ZNF385D: variants seen among roughly 807,000 people sequenced by gnomAD.
ZNF385D encodes the protein zinc finger protein 385D.
ZNF385D carries 15 observed loss-of-function variants against 35.8 expected under a neutral mutation model. The observed-to-expected ratio is 0.42, with a 90% CI of 0.28 to 0.64. ZNF385D has a LOEUF of 0.64. Among genes scored for constraint, ZNF385D ranks in the 30% least tolerant of loss-of-function variants. The pLI, the probability that ZNF385D is intolerant of heterozygous loss-of-function variation, is 0.23. For synonymous variants in ZNF385D, 212 were observed against 186.8 expected, an observed-to-expected ratio of 1.13 and a Z score of -1.10; for missense variants, 474 against 494.6, an observed-to-expected ratio of 0.96 and a Z score of 0.39.
chr3:21,554,682 G>A (rs957656112), intron 3 of ZNF385D, among the ~76,000 whole-genome samples: 1 of 152,190 alleles, frequency 6.6e-6, no homozygotes, highest in South Asian at 2.1e-4. Context: ...CTGTTGGGTA[G>A]TGTAGCCATC....
At chr3:22,104,123 G>C (rs1313581241) in intron 3 of ZNF385D, among the ~76,000 whole-genome samples, 1 of 152,024 alleles carries the variant, frequency 6.6e-6, no homozygotes, top group Non-Finnish European at 1.5e-5. Flanking sequence ...TATTATTCAA[G>C]TTGGAGACAA....
At chr3:21,641,860 G>T (rs1296052678) in intron 2 of ZNF385D, among the ~76,000 whole-genome samples, 3 of 151,880 alleles carry the variant, frequency 2.0e-5, no homozygotes, top group Admixed American at 6.6e-5. Context: ...CTAACTAAGG[G>T]CATTCTAAAA....
At chr3:21,653,528 C>T (rs1196793990) in intron 2 of ZNF385D, among the ~76,000 whole-genome samples, 2 of 151,910 alleles carry the variant, frequency 1.3e-5, no homozygotes, top group African/African-American at 2.4e-5. Flanking sequence ...TATATATACA[C>T]AATATATGTA....
At chr3:22,241,211 T>C (rs957204312) in intron 2 of ZNF385D, among the ~76,000 whole-genome samples, 1 of 151,242 alleles carries the variant, frequency 6.6e-6, no homozygotes, top group Non-Finnish European at 1.5e-5. Flanking sequence ...TGCCAAATGA[T>C]GTCTTCTGAA....
At chr3:22,028,651 C>A (rs1697718094) in intron 3 of ZNF385D, among the ~76,000 whole-genome samples, 1 of 152,206 alleles carries the variant, frequency 6.6e-6, no homozygotes, top group Non-Finnish European at 1.5e-5. Flanking sequence ...AGACTACCAT[C>A]TGTGGACTTA....
At chr3:22,194,553 T>G (rs1696277234) in intron 2 of ZNF385D, among the ~76,000 whole-genome samples, 1 of 151,972 alleles carries the variant, frequency 6.6e-6, no homozygotes, top group African/African-American at 2.4e-5. Context: ...CTGTCATTTT[T>G]GTAAAATTCC....
intron 2 of ZNF385D, among the ~76,000 whole-genome samples, chr3:22,240,041 G>T (rs1699402998): frequency 6.7e-6 from 1 of 149,958 alleles, no homozygotes; most frequent in African/African-American, 2.5e-5. Context: ...ATATTACCCA[G>T]GTATGGTGGC....
chr3:21,506,177 T>A (rs1426324770), intron 4 of ZNF385D, among the ~76,000 whole-genome samples: 2 of 152,160 alleles, frequency 1.3e-5, no homozygotes, highest in Non-Finnish European at 2.9e-5. Context: ...GGCTTGGCCA[T>A]GTAACTTACC....
intron 2 of ZNF385D, among the ~76,000 whole-genome samples, chr3:22,223,358 G>T (rs527531868): frequency 6.6e-6 from 1 of 152,204 alleles, no homozygotes; most frequent in African/African-American, 2.4e-5. Context: ...CTGACAAACT[G>T]ACCTACTATG....
intron 3 of ZNF385D, among the ~76,000 whole-genome samples, chr3:21,524,124 G>C (rs536043184): frequency 7.9e-5 from 12 of 152,306 alleles, no homozygotes; most frequent in African/African-American, 2.9e-4. Flanking sequence ...AAGTCCCAAG[G>C]TTTGGGGGAA....
intron 2 of ZNF385D, among the ~76,000 whole-genome samples, chr3:22,275,584 G>C (rs1007876273): frequency 6.6e-6 from 1 of 151,974 alleles, no homozygotes; most frequent in African/African-American, 2.4e-5. Flanking sequence ...TAAAATCTAG[G>C]TTAATATTCT....
chr3:21,667,173 G>T (rs375578000), intron 1 of ZNF385D, among the ~76,000 whole-genome samples: 1 of 152,268 alleles, frequency 6.6e-6, no homozygotes, highest in African/African-American at 2.4e-5. Context: ...TTTTGTTGTT[G>T]CTTTTGAGAC....
chr3:22,042,273 T>C (rs1698713203), intron 3 of ZNF385D, among the ~76,000 whole-genome samples: 1 of 151,972 alleles, frequency 6.6e-6, no homozygotes, highest in African/African-American at 2.4e-5. Context: ...CCTTCTAGAG[T>C]TGTGGTATTA....
intron 3 of ZNF385D, among the ~76,000 whole-genome samples, chr3:21,807,386 T>C (rs1056819075): frequency 1.7e-4 from 26 of 152,174 alleles, no homozygotes; most frequent in Non-Finnish European, 2.9e-4. Flanking sequence ...CTCTAATTTG[T>C]CTCACCTGTT....
intron 2 of ZNF385D, among the ~76,000 whole-genome samples, chr3:22,236,761 T>A (rs1298122400): frequency 6.6e-6 from 1 of 152,162 alleles, no homozygotes; most frequent in Non-Finnish European, 1.5e-5. Context: ...TCTGTCTCTA[T>A]AGATTGGTTT....
intron 3 of ZNF385D, among the ~76,000 whole-genome samples, chr3:22,116,255 G>A (rs1702806292): frequency 6.6e-6 from 1 of 151,794 alleles, no homozygotes; most frequent in Admixed American, 6.6e-5. Context: ...AGATTTCCCG[G>A]ATGTCTACAT....
chr3:22,238,427 A>T (rs1382664896), intron 2 of ZNF385D, among the ~76,000 whole-genome samples: 1 of 150,984 alleles, frequency 6.6e-6, no homozygotes, highest in Non-Finnish European at 1.5e-5. Context: ...TAAAATGTCA[A>T]ATTTTCAGTC....
In ZNF385D at chr3:21,584,130, C is replaced by T. The variant is rs192951524; in HGVS notation, c.166-19446G>A. Among the ~76,000 whole-genome samples, 348 of 151,956 alleles carry T rather than the reference C, an allele frequency of 2.3e-3. 2 individuals are homozygous for T. Among genetic ancestry groups the T allele is most frequent in the Non-Finnish European group, 3.7e-3 (254 of 67,950 alleles). On this transcript the variant is annotated intron_variant, in intron 2 of 7. Coordinates refer to ENST00000281523, the MANE Select transcript of ZNF385D (RefSeq NM_024697.3). ...CTGGGATTTCAAGCACACACCACCACGCTAGGCTAATTTTTGTATTTTTAC... is the reference window on the plus strand; with the variant it reads ...CTGGGATTTCAAGCACACACCACCATGCTAGGCTAATTTTTGTATTTTTAC...
At chr3:22,205,559 C>A (rs1046925563) in intron 2 of ZNF385D, among the ~76,000 whole-genome samples, 1 of 151,680 alleles carries the variant, frequency 6.6e-6, no homozygotes, top group Non-Finnish European at 1.5e-5. Flanking sequence ...AGAAATAGTA[C>A]AATAAGATAT....
Sources: allele counts gnomAD v4.1 joint callset (sites outside exome capture counted in the v4.1 genomes callset), GRCh38; gene constraint gnomAD v4.1.1; transcripts MANE v1.5; gene names NCBI Gene and HGNC (gene_info 2026-07-23, HGNC 2026-07-21).